KCND2: variants seen among roughly 807,000 people sequenced by gnomAD.
The protein encoded by KCND2 is potassium voltage-gated channel subfamily D member 2, also known as A-type voltage-gated potassium channel KCND2.
KCND2 carries 16 observed loss-of-function variants against 54.4 expected under a neutral mutation model. That is an observed-to-expected ratio of 0.29 (90% CI 0.20 to 0.45). The LOEUF (loss-of-function observed/expected upper bound fraction) is 0.45, where lower values mean the gene tolerates loss of function less well. Among genes scored for constraint, KCND2 ranks in the 20% least tolerant of loss-of-function variants. The pLI is 1.00. For synonymous variants in KCND2, 317 were observed against 310.7 expected, an observed-to-expected ratio of 1.02 and a Z score of -0.21; for missense variants, 486 against 824.2, an observed-to-expected ratio of 0.59 and a Z score of 5.02.
intron 1 of KCND2, among the ~76,000 whole-genome samples, chr7:120,309,287 C>A (rs1239457292): frequency 6.6e-6 from 1 of 151,730 alleles, no homozygotes; most frequent in Non-Finnish European, 1.5e-5. Flanking sequence ...TCCAAGAAAA[C>A]CTTTGAAGGA....
chr7:120,635,241 T>A lies in KCND2; in HGVS notation c.1116-97662T>A, dbSNP rs1157362697. ...CAGGTCATCCATAAATATATTGATATTTCAAAAACTGATGTAGCAGATAAG... is the reference window on the plus strand; with the variant it reads ...CAGGTCATCCATAAATATATTGATAATTCAAAAACTGATGTAGCAGATAAG... On this transcript the variant is annotated intron_variant, in intron 1 of 5. Transcript: ENST00000331113. Among the ~76,000 whole-genome samples, 3 of 152,194 alleles carry A rather than the reference T, an allele frequency of 2.0e-5. No individual in the cohort carries two copies. In the South Asian group the frequency reaches 6.2e-4, roughly 31 times the overall value.
At chr7:120,520,014 T>C (rs1791668177) in intron 1 of KCND2, among the ~76,000 whole-genome samples, 1 of 152,100 alleles carries the variant, frequency 6.6e-6, no homozygotes, top group Admixed American at 6.6e-5. Context: ...GAAGAAAATA[T>C]TTTTTCAAAA....
chr7:120,498,287 C>T (rs1802878954), intron 1 of KCND2, among the ~76,000 whole-genome samples: 1 of 152,078 alleles, frequency 6.6e-6, no homozygotes, highest in Non-Finnish European at 1.5e-5. Flanking sequence ...CGGGACCATC[C>T]TGGCTAACAT....
intron 1 of KCND2, among the ~76,000 whole-genome samples, chr7:120,553,974 T>A (rs1362199262): frequency 2.0e-5 from 3 of 152,214 alleles, no homozygotes; most frequent in Admixed American, 1.3e-4. Context: ...TCTCTTCCTT[T>A]GACTTCTTGA....
At chr7:120,285,650 CA>C (rs1361054637) in intron 1 of KCND2, among the ~76,000 whole-genome samples, 2 of 151,510 alleles carry the variant, frequency 1.3e-5, no homozygotes, top group African/African-American at 4.8e-5. Flanking sequence ...TTAATGTTTG[CA>C]ATAAAGGGCA....
chr7:120,338,652 A>G (rs1204874129), intron 1 of KCND2, among the ~76,000 whole-genome samples: 1 of 152,094 alleles, frequency 6.6e-6, no homozygotes, highest in Non-Finnish European at 1.5e-5. Context: ...TTAAATTTTA[A>G]ATTATGTTTT....
At chr7:120,347,974 G>A (rs1800347103) in intron 1 of KCND2, among the ~76,000 whole-genome samples, 1 of 152,108 alleles carries the variant, frequency 6.6e-6, no homozygotes, top group South Asian at 2.1e-4. Context: ...TGGAAAGAGA[G>A]CAGGAACTCT....
intron 1 of KCND2, among the ~76,000 whole-genome samples, chr7:120,549,358 A>G (rs1440020420): frequency 3.9e-5 from 6 of 152,176 alleles, no homozygotes; most frequent in African/African-American, 1.4e-4. Flanking sequence ...TTGAGGACAT[A>G]GATGAAAGAT....
chr7:120,491,315 G>A (rs925008460), intron 1 of KCND2, among the ~76,000 whole-genome samples: 10 of 151,914 alleles, frequency 6.6e-5, no homozygotes, highest in East Asian at 3.9e-4. Context: ...AGTAGTTATC[G>A]GGTGCCTACT....
intron 1 of KCND2, among the ~76,000 whole-genome samples, chr7:120,574,471 G>A (rs1161265464): frequency 6.6e-6 from 1 of 152,048 alleles, no homozygotes; most frequent in Admixed American, 6.6e-5. Context: ...AAGCATACAT[G>A]GATTTAAAAG....
intron 1 of KCND2, among the ~76,000 whole-genome samples, chr7:120,639,068 C>T (rs891419698): frequency 6.6e-5 from 10 of 152,090 alleles, no homozygotes; most frequent in African/African-American, 2.4e-4. Flanking sequence ...CTCATATATA[C>T]TGGAAAGAAC....
chr7:120,310,345 T>C (rs924442817), intron 1 of KCND2, among the ~76,000 whole-genome samples: 2 of 152,174 alleles, frequency 1.3e-5, no homozygotes, highest in African/African-American at 4.8e-5. Context: ...TAGCACACCA[T>C]ATGTTATTTA....
chr7:120,299,986 A>G (rs183475948), intron 1 of KCND2, among the ~76,000 whole-genome samples: 1 of 152,202 alleles, frequency 6.6e-6, no homozygotes, highest in African/African-American at 2.4e-5. Flanking sequence ...GGCATATATT[A>G]TTACTATTTA....
chr7:120,425,199 A>G lies in KCND2; in HGVS notation c.1115+149452A>G, dbSNP rs182086627. On this transcript the variant is annotated intron_variant, in intron 1 of 5. Transcript: ENST00000331113. ...AACTGAGCATATAATGGAGTGAAAA[A>G]TGCAGTAATATGGCTCACCCCTTCC... is the stretch of plus-strand genomic sequence containing the variant. Among the ~76,000 whole-genome samples the G allele has an allele frequency of 5.5e-4, 84 of 152,318 alleles. No homozygotes were observed. In the Middle Eastern group the frequency reaches 0.01, roughly 19 times the overall value.
intron 1 of KCND2, among the ~76,000 whole-genome samples, chr7:120,619,556 T>C (rs1006447131): frequency 6.6e-6 from 1 of 152,220 alleles, no homozygotes; most frequent in Admixed American, 6.5e-5. Flanking sequence ...ACACAAATGT[T>C]CAACATTTTT....
chr7:120,743,528 G>T (rs902201344), intron 4 of KCND2, among the ~76,000 whole-genome samples: 1 of 152,160 alleles, frequency 6.6e-6, no homozygotes, highest in Admixed American at 6.5e-5. Flanking sequence ...CAGCGAACAT[G>T]GAAAGCAACA....
intron 1 of KCND2, among the ~76,000 whole-genome samples, chr7:120,394,569 G>A (rs758733068): frequency 5.3e-5 from 8 of 151,894 alleles, no homozygotes; most frequent in South Asian, 2.1e-4. Flanking sequence ...TAATCTTGTG[G>A]CCTTTCATTA....
chr7:120,610,347 C>G (rs965071824), intron 1 of KCND2, among the ~76,000 whole-genome samples: 5 of 152,002 alleles, frequency 3.3e-5, no homozygotes, highest in Non-Finnish European at 7.4e-5. Context: ...ATTTAAGAAA[C>G]CAGATATTTC....
At chr7:120,387,644 T>A (rs1014180370) in intron 1 of KCND2, among the ~76,000 whole-genome samples, 4 of 152,032 alleles carry the variant, frequency 2.6e-5, no homozygotes, top group Non-Finnish European at 5.9e-5. Flanking sequence ...TGTTCTTTTG[T>A]GAATGACAGA....
Sources: gnomAD v4.1 joint callset for allele counts (sites outside exome capture counted in the v4.1 genomes callset) on GRCh38, gnomAD v4.1.1 for gene constraint, MANE v1.5 for transcripts, NCBI Gene and HGNC (gene_info 2026-07-23, HGNC 2026-07-21) for gene names.